Variants in ANKRD6 observed in about 807,000 individuals in gnomAD.
The protein encoded by ANKRD6 is ankyrin repeat domain-containing protein 6.
In ANKRD6, 56 loss-of-function variants were observed where a neutral mutation model predicts 82.3. The ratio of observed to expected loss-of-function variants is 0.68; its 90% CI spans 0.55 to 0.85. The LOEUF (loss-of-function observed/expected upper bound fraction) is 0.85. Ranked by LOEUF, ANKRD6 falls within the 40% of genes least tolerant of loss-of-function variation. The pLI is 0.00. For synonymous variants in ANKRD6, 347 were observed against 352.1 expected (o/e 0.99, Z 0.16); for missense variants, 852 against 907.6 (o/e 0.94, Z 0.79).
intron 7 of ANKRD6, chr6:89,616,345 T>A (rs1023022959): frequency 1.8e-6 from 1 of 566,604 alleles, no homozygotes; most frequent in Non-Finnish European, 3.1e-6. Context: ...TCAGGTATCC[T>A]CACTCAGAAA....
intron 12 of ANKRD6, 92 bp from the exon 13 acceptor site, chr6:89,624,447 C>T: frequency 1.4e-6 from 2 of 1,438,676 alleles, no homozygotes; most frequent in Non-Finnish European, 1.9e-6. Context: ...ATCTCTATCC[C>T]CTGGTATACT....
intron 4 of ANKRD6, among the ~76,000 whole-genome samples, chr6:89,605,068 G>A (rs952809750): frequency 6.8e-6 from 1 of 146,574 alleles, no homozygotes; most frequent in Non-Finnish European, 1.5e-5. Flanking sequence ...TACGAGCTAT[G>A]TTCATTAAAT....
At chr6:89,497,271 T>C (rs1778737490) in intron 1 of ANKRD6, among the ~76,000 whole-genome samples, 1 of 152,238 alleles carries the variant, frequency 6.6e-6, no homozygotes, top group Admixed American at 6.5e-5. Flanking sequence ...AAATTGAATT[T>C]GAAGCTTTAA....
intron 1 of ANKRD6, among the ~76,000 whole-genome samples, chr6:89,483,712 A>T (rs2127814044): frequency 6.6e-6 from 1 of 152,348 alleles, no homozygotes; most frequent in East Asian, 1.9e-4. Context: ...AATGAAAATG[A>T]ATACTACTAG....
intron 1 of ANKRD6, among the ~76,000 whole-genome samples, chr6:89,498,975 A>G (rs1349941609): frequency 1.3e-5 from 2 of 152,130 alleles, no homozygotes; most frequent in Admixed American, 6.5e-5. Context: ...GCCTTCCTCT[A>G]CTGTTGAGAC....
intron 1 of ANKRD6, among the ~76,000 whole-genome samples, chr6:89,456,630 A>G (rs1163008020): frequency 1.3e-5 from 2 of 152,174 alleles, no homozygotes; most frequent in Non-Finnish European, 2.9e-5. Flanking sequence ...GAGAGCTTTA[A>G]TATATGAACT....
intron 3 of ANKRD6, chr6:89,602,751 C>A (rs1356288575): frequency 2.4e-6 from 1 of 424,198 alleles, no homozygotes; most frequent in African/African-American, 2.0e-5. Flanking sequence ...GAGAGCCTGA[C>A]CCTCATTTTG....
chr6:89,631,040 G>A lies in ANKRD6; in HGVS notation c.*36G>A. On this transcript the variant is annotated 3_prime_UTR_variant, in exon 16 of 16. Transcript: ENST00000339746. ...GAGGAAATATGAAAGGATTCTTGAA[G>A]ATTTCCAGTTTTGCAACTGCATAAT... 6.8e-7 allele frequency: 1 copy of A among 1,465,836 alleles called. No homozygotes were observed. The highest frequency in any genetic ancestry group is 9.0e-7 in the Non-Finnish European group (1 of 1,113,110). The allele number at this position is 1,465,836 out of a possible 1,614,324, so 90.8% of individuals were successfully genotyped here. A position where few individuals can be genotyped will look rare whatever the true frequency, so the allele number is the denominator to read the frequency against.
rs369908639 is a variant in ANKRD6 at position 89,546,886 on chromosome 6, A to G, written c.-143-19948A>G. On this transcript the variant is annotated intron_variant, in intron 1 of 15. Transcript: ENST00000339746. ...TTTTCCAAGATGAGCGCCTGCAGTC[A>G]GCCCCTCTCTAGTCCTTGGCACTTA... Among the ~76,000 whole-genome samples, 6 of 152,332 alleles carry G rather than the reference A, an allele frequency of 3.9e-5. No homozygotes were observed. The East Asian group carries it at 9.7e-4, about 25-fold the overall frequency.
chr6:89,477,770 CAA>C (rs772097321), intron 1 of ANKRD6, among the ~76,000 whole-genome samples: 15 of 51,890 alleles, frequency 2.9e-4, no homozygotes, highest in Admixed American at 5.8e-4. Flanking sequence ...GACTCCGTCT[CAA>C]AAAAAAAAAA....
intron 1 of ANKRD6, chr6:89,509,029 G>A (rs762196911): frequency 1.1e-4 from 17 of 152,322 alleles, no homozygotes; most frequent in Non-Finnish European, 2.2e-4. Context: ...CACAGGGATG[G>A]GAGGAGGCAA....
chr6:89,622,109 C>T (rs957907223), intron 10 of ANKRD6, 83 bp downstream of exon 10: 85 of 1,293,336 alleles, frequency 6.6e-5, no homozygotes, highest in Non-Finnish European at 8.7e-5. Context: ...GCCAGGTTCA[C>T]CTGGTGGCTG....
intron 1 of ANKRD6, among the ~76,000 whole-genome samples, chr6:89,491,670 A>G (rs572348210): frequency 3.9e-5 from 6 of 152,260 alleles, no homozygotes; most frequent in East Asian, 1.9e-4. Flanking sequence ...GAAAGCATTA[A>G]GAGATATACC....
intron 5 of ANKRD6, among the ~76,000 whole-genome samples, chr6:89,606,948 T>C (rs1000099335): frequency 2.0e-5 from 3 of 151,928 alleles, no homozygotes; most frequent in Non-Finnish European, 4.4e-5. Context: ...GGCAGGCGGA[T>C]CACTTGAGAC....
chr6:89,592,022 G>A (rs1562953732), intron 2 of ANKRD6, among the ~76,000 whole-genome samples: 1 of 152,208 alleles, frequency 6.6e-6, no homozygotes, highest in Non-Finnish European at 1.5e-5. Flanking sequence ...GGAAGTCATA[G>A]TTTGGAGAAT....
At chr6:89,449,651 T>G (rs1262389827) in intron 1 of ANKRD6, among the ~76,000 whole-genome samples, 3 of 152,218 alleles carry the variant, frequency 2.0e-5, no homozygotes, top group African/African-American at 7.2e-5. Context: ...TTTTCACCAA[T>G]GAACCTATGC....
At chr6:89,436,225 C>T (rs1770620027) in intron 1 of ANKRD6, among the ~76,000 whole-genome samples, 1 of 152,174 alleles carries the variant, frequency 6.6e-6, no homozygotes, top group African/African-American at 2.4e-5. Flanking sequence ...TACTACTTTT[C>T]AAACCTTGGG....
intron 1 of ANKRD6, among the ~76,000 whole-genome samples, chr6:89,558,909 A>G (rs1318606326): frequency 6.6e-6 from 1 of 152,216 alleles, no homozygotes; most frequent in Non-Finnish European, 1.5e-5. Context: ...CAGTGAAGAT[A>G]AAAAGGAGAG....
At chr6:89,580,143 C>T (rs1174255147) in intron 2 of ANKRD6, among the ~76,000 whole-genome samples, 1 of 151,012 alleles carries the variant, frequency 6.6e-6, no homozygotes, top group Non-Finnish European at 1.5e-5. Context: ...TCTCCAACCA[C>T]ATGAAAGTGA....
Sources: allele counts gnomAD v4.1 joint callset (sites outside exome capture counted in the v4.1 genomes callset), GRCh38; gene constraint gnomAD v4.1.1; transcripts MANE v1.5; gene names NCBI Gene and HGNC (gene_info 2026-07-23, HGNC 2026-07-21).